The following ITGA8 variants were observed in gnomAD, a reference collection of about 807,000 sequenced individuals.
The protein encoded by ITGA8 is integrin alpha-8.
A neutral mutation model predicts 142.3 loss-of-function variants in ITGA8; 91 were observed. The ratio of observed to expected loss-of-function variants is 0.64; its 90% CI spans 0.54 to 0.76. The LOEUF is 0.76. Ranked by LOEUF, ITGA8 falls within the 30% of genes least tolerant of loss-of-function variation. The pLI is 0.00. For synonymous variants in ITGA8, 505 were observed against 485.2 expected (o/e 1.04, Z -0.54); for missense variants, 1,406 against 1,327.7 (o/e 1.06, Z -0.92).
chr10:15,665,456 T>C (rs1014579530), intron 8 of ITGA8, among the ~76,000 whole-genome samples: 2 of 152,170 alleles, frequency 1.3e-5, no homozygotes, highest in Admixed American at 6.5e-5. Context: ...TTTTTTCCCA[T>C]TTTTTAGGTT....
At chr10:15,543,605 C>T (rs1365554062) in intron 27 of ITGA8, among the ~76,000 whole-genome samples, 3 of 152,100 alleles carry the variant, frequency 2.0e-5, no homozygotes, top group South Asian at 2.1e-4. Flanking sequence ...GCTTTCTTCT[C>T]ATATTAGTAA....
intron 11 of ITGA8, among the ~76,000 whole-genome samples, chr10:15,652,388 G>C (rs1834103859): frequency 6.6e-6 from 1 of 151,740 alleles, no homozygotes; most frequent in African/African-American, 2.4e-5. Flanking sequence ...CCTGGTGCTT[G>C]TTGTGTGGCC....
chr10:15,543,834 T>A (rs1833619293), intron 27 of ITGA8, among the ~76,000 whole-genome samples: 1 of 152,114 alleles, frequency 6.6e-6, no homozygotes, highest in Non-Finnish European at 1.5e-5. Flanking sequence ...AGGTTTGAGA[T>A]GAGACTGTAC....
rs4748191 is a variant in ITGA8 at position 15,643,984 on chromosome 10, A to T, written c.1399+46T>A. On this transcript the variant is annotated intron_variant, in intron 13 of 29. Transcript: ENST00000378076. ...ATGCATTTTTCAGAAAATGGACTCT[A>T]TTTCAGGACGTAGACTCTCACGTGG... The T allele has an allele frequency of 0.98, 1,510,180 of 1,539,912 alleles. 742,941 individuals carry two copies. The highest frequency in any genetic ancestry group is 1 in the Non-Finnish European group (1,132,029 of 1,135,102).
rs1259548138 is a variant in ITGA8, at chr10:15,517,108, C to T, written c.*50G>A. 1.5e-6 allele frequency: 2 copies of T among 1,359,016 alleles called. No homozygotes were observed. Among genetic ancestry groups the T allele is most frequent in the African/African-American group, 2.9e-5 (2 of 67,972 alleles). The allele number at this position is 1,359,016 out of a possible 1,614,324, so 84.2% of individuals were successfully genotyped here. On this transcript the variant is annotated 3_prime_UTR_variant, in exon 30 of 30. Coordinates refer to ENST00000378076, the MANE Select transcript of ITGA8 (RefSeq NM_003638.3). ...TTTAACCCTCATGTTCTTTCTTTTT[C>T]TTTGAACAGGACCAGTGTTTGAGGT...
At chr10:15,597,435 A>G in intron 20 of ITGA8, 136 bp from the exon 21 acceptor site, 1 of 667,398 alleles carries the variant, frequency 1.5e-6, no homozygotes, top group Non-Finnish European at 2.7e-6. Flanking sequence ...GTAATTGATG[A>G]CCCTTAACTC....
intron 15 of ITGA8, among the ~76,000 whole-genome samples, chr10:15,610,089 C>CT (rs992632897): frequency 1.3e-5 from 2 of 152,090 alleles, no homozygotes; most frequent in African/African-American, 4.8e-5. Flanking sequence ...ATGACTTTAA[C>CT]TTTTTTTTCA....
At chr10:15,665,984 T>C (rs1834383850) in intron 8 of ITGA8, among the ~76,000 whole-genome samples, 1 of 152,232 alleles carries the variant, frequency 6.6e-6, no homozygotes, top group South Asian at 2.1e-4. Context: ...GGTTTAGGAT[T>C]GACTTGGCGA....
intron 8 of ITGA8, among the ~76,000 whole-genome samples, chr10:15,665,518 T>A (rs151294360): frequency 1.3e-5 from 2 of 152,054 alleles, no homozygotes; most frequent in African/African-American, 4.8e-5. Flanking sequence ...CTCTTCAGTT[T>A]AATTAGATCC....
At chr10:15,683,534 G>T (rs991807776) in intron 4 of ITGA8, among the ~76,000 whole-genome samples, 2 of 152,180 alleles carry the variant, frequency 1.3e-5, no homozygotes, top group Non-Finnish European at 2.9e-5. Context: ...AAGCAGAAAG[G>T]CATATCATGC....
chr10:15,643,919 AG>A (rs1315801868), intron 13 of ITGA8, 110 bp downstream of exon 13: 1 of 899,554 alleles, frequency 1.1e-6, no homozygotes, highest in African/African-American at 1.7e-5. Context: ...GGCATGCTTA[AG>A]CTTCAGCCTC....
chr10:15,532,095 C>A (rs1303032137), intron 27 of ITGA8, among the ~76,000 whole-genome samples: 4 of 152,004 alleles, frequency 2.6e-5, no homozygotes, highest in Non-Finnish European at 4.4e-5. Context: ...GCATCCCTGG[C>A]CCCTGGCTAG....
intron 16 of ITGA8, among the ~76,000 whole-genome samples, 190 bp from the exon 17 acceptor site, chr10:15,608,021 A>G (rs1158744155): frequency 6.6e-6 from 1 of 152,222 alleles, no homozygotes; most frequent in Non-Finnish European, 1.5e-5. Flanking sequence ...TAATGGTTTT[A>G]TAAAAGTTGT....
intron 13 of ITGA8, among the ~76,000 whole-genome samples, chr10:15,642,060 G>T (rs896002263): frequency 7.2e-5 from 11 of 152,266 alleles, no homozygotes; most frequent in African/African-American, 2.6e-4. Context: ...CCCAGGAGGT[G>T]GAAGTTGCAG....
At chr10:15,680,857 G>C (rs1433163423) in intron 4 of ITGA8, among the ~76,000 whole-genome samples, 1 of 151,356 alleles carries the variant, frequency 6.6e-6, no homozygotes, top group East Asian at 1.9e-4. Context: ...AGAGTGTGAG[G>C]TTCTTTCCAT....
rs766469763 is a variant in ITGA8, at chr10:15,597,305, A to C, written c.2119-6T>G. 1 of 1,611,084 alleles carries C rather than the reference A, an allele frequency of 6.2e-7. No individual in the cohort carries two copies. Among genetic ancestry groups the C allele is most frequent in the Admixed American group, 1.7e-5 (1 of 60,000 alleles). ...CAGCTCAGTGGTCGAAATCCCTACAATTGCAAAGAACAGGGGGTTTAGGGG... is the reference window on the plus strand; with the variant it reads ...CAGCTCAGTGGTCGAAATCCCTACACTTGCAAAGAACAGGGGGTTTAGGGG... On this transcript the variant is annotated splice_polypyrimidine_tract_variant and splice_region_variant and intron_variant, in intron 20 of 29. Coordinates refer to ENST00000378076, the MANE Select transcript of ITGA8 (RefSeq NM_003638.3).
intron 2 of ITGA8, among the ~76,000 whole-genome samples, chr10:15,689,558 G>A (rs996217076): frequency 1.3e-5 from 2 of 152,100 alleles, no homozygotes; most frequent in Admixed American, 1.3e-4. Flanking sequence ...GCCCAGCTGG[G>A]GAGCTACCTG....
chr10:15,687,320 G>A (rs1466416211), intron 3 of ITGA8, among the ~76,000 whole-genome samples: 1 of 151,830 alleles, frequency 6.6e-6, no homozygotes, highest in African/African-American at 2.4e-5. Flanking sequence ...AACTAAAAAA[G>A]ACTTCCAGAT....
At chr10:15,668,598 C>T (rs1381416447) in intron 8 of ITGA8, among the ~76,000 whole-genome samples, 1 of 152,112 alleles carries the variant, frequency 6.6e-6, no homozygotes, top group African/African-American at 2.4e-5. Flanking sequence ...TTAGTTGATG[C>T]AGTTTCTTCC....
Sources: allele counts gnomAD v4.1 joint callset (sites outside exome capture counted in the v4.1 genomes callset), GRCh38; gene constraint gnomAD v4.1.1; transcripts MANE v1.5; gene names NCBI Gene and HGNC (gene_info 2026-07-23, HGNC 2026-07-21).